ME3: variants seen among roughly 807,000 people sequenced by gnomAD.
ME3 encodes malic enzyme 3.
A neutral mutation model predicts 68.9 loss-of-function variants in ME3; 48 were observed. That is an observed-to-expected ratio of 0.70 (90% CI 0.55 to 0.89). The LOEUF (loss-of-function observed/expected upper bound fraction) is 0.89, where lower values mean the gene tolerates loss of function less well. Ranked by LOEUF, ME3 falls within the 40% of genes least tolerant of loss-of-function variation. The pLI, the probability that ME3 is intolerant of heterozygous loss-of-function variation, is 0.00. For synonymous variants in ME3, 320 were observed against 318.8 expected (o/e 1.00, Z -0.04); for missense variants, 675 against 797.4 (o/e 0.85, Z 1.85).
chr11:86,578,304 A>G (rs1391850479), intron 2 of ME3, among the ~76,000 whole-genome samples: 2 of 152,204 alleles, frequency 1.3e-5, no homozygotes, highest in Non-Finnish European at 2.9e-5. Flanking sequence ...GCAGGGGAGC[A>G]GCAGAGAACA....
intron 4 of ME3, among the ~76,000 whole-genome samples, chr11:86,535,080 A>C (rs1320783778): frequency 6.6e-6 from 1 of 152,114 alleles, no homozygotes; most frequent in Non-Finnish European, 1.5e-5. Flanking sequence ...TCAATAATCA[A>C]AATCATTTAC....
intron 2 of ME3, among the ~76,000 whole-genome samples, chr11:86,640,524 T>A (rs1046183438): frequency 1.3e-5 from 2 of 152,246 alleles, no homozygotes; most frequent in African/African-American, 4.8e-5. Flanking sequence ...ATTTTCACAC[T>A]GACTGGACAG....
chr11:86,604,202 G>T (rs1242801686), intron 2 of ME3, among the ~76,000 whole-genome samples: 1 of 152,064 alleles, frequency 6.6e-6, no homozygotes, highest in East Asian at 1.9e-4. Flanking sequence ...GAAGCCTCCA[G>T]ACTTCAGAGA....
intron 2 of ME3, among the ~76,000 whole-genome samples, chr11:86,561,952 T>G (rs1465758652): frequency 6.6e-6 from 1 of 152,194 alleles, no homozygotes; most frequent in Non-Finnish European, 1.5e-5. Context: ...CACATTAAGG[T>G]TCCTTCTTTA....
At chr11:86,634,924 C>T (rs1009259718) in intron 2 of ME3, among the ~76,000 whole-genome samples, 1 of 150,824 alleles carries the variant, frequency 6.6e-6, no homozygotes, top group Non-Finnish European at 1.5e-5. Context: ...ACAACAACAA[C>T]AAAAAACCCA....
intron 4 of ME3, among the ~76,000 whole-genome samples, chr11:86,553,781 C>G (rs764191307): frequency 6.6e-6 from 1 of 152,186 alleles, no homozygotes; most frequent in Admixed American, 6.5e-5. Context: ...GAAGTGGTAT[C>G]TAGCAATCCC....
At position 86,556,547 on chromosome 11, in the gene ME3, G is replaced by A. The variant is rs1594430600; in HGVS notation, c.467+6C>T. The A allele has an allele frequency of 1.2e-6, 2 of 1,612,550 alleles. No homozygotes were observed. The highest frequency in any genetic ancestry group is 8.5e-7 in the Non-Finnish European group (1 of 1,179,268). Reference sequence around the variant, plus strand: ...CTCCCAGAGCCCTCACTCCACGGGGGCTCACCGGGGCCTGCGGAAAGTCAG... The same window carrying A: ...CTCCCAGAGCCCTCACTCCACGGGGACTCACCGGGGCCTGCGGAAAGTCAG... On this transcript the variant is annotated splice_donor_region_variant and intron_variant, in intron 4 of 14. Transcript: ENST00000543262.
intron 2 of ME3, among the ~76,000 whole-genome samples, chr11:86,644,426 T>A (rs190589624): frequency 1.3e-5 from 2 of 152,298 alleles, no homozygotes; most frequent in African/African-American, 2.4e-5. Flanking sequence ...CCAGCCCACA[T>A]ACACAGACTC....
chr11:86,577,847 C>T (rs1958205507), intron 2 of ME3, among the ~76,000 whole-genome samples: 1 of 151,998 alleles, frequency 6.6e-6, no homozygotes, highest in South Asian at 2.1e-4. Flanking sequence ...TTTTATTATC[C>T]CCATTTATAG....
intron 4 of ME3, among the ~76,000 whole-genome samples, chr11:86,552,448 T>C (rs1015118391): frequency 6.6e-6 from 1 of 152,162 alleles, no homozygotes; most frequent in Non-Finnish European, 1.5e-5. Flanking sequence ...TCCTGCTAAG[T>C]CGGTTTGGCC....
intron 2 of ME3, among the ~76,000 whole-genome samples, chr11:86,603,926 C>T (rs1594631964): frequency 8.5e-6 from 1 of 117,600 alleles, no homozygotes; most frequent in Non-Finnish European, 1.6e-5. Flanking sequence ...AGGGGAAAAT[C>T]ACACTCTGGG....
chr11:86,643,275 G>T (rs1944782341), intron 2 of ME3, among the ~76,000 whole-genome samples: 1 of 150,090 alleles, frequency 6.7e-6, no homozygotes, highest in Non-Finnish European at 1.5e-5. Flanking sequence ...CAGAGCTAAG[G>T]TTTAACTCTT....
intron 2 of ME3, among the ~76,000 whole-genome samples, chr11:86,649,586 T>C (rs1283476896): frequency 1.3e-5 from 2 of 152,218 alleles, no homozygotes; most frequent in Non-Finnish European, 2.9e-5. Context: ...ACCCAAAAAC[T>C]CTTTAAGCTG....
chr11:86,440,638 A>T (rs1948939316), downstream of ME3, among the ~76,000 whole-genome samples: 1 of 152,164 alleles, frequency 6.6e-6, no homozygotes, highest in Non-Finnish European at 1.5e-5. Flanking sequence ...TGACCTGAAT[A>T]GTTAGCGAGC....
chr11:86,518,042 T>C (rs1298550284), intron 4 of ME3, among the ~76,000 whole-genome samples: 1 of 152,198 alleles, frequency 6.6e-6, no homozygotes, highest in Non-Finnish European at 1.5e-5. Context: ...GTAGCTGATA[T>C]TGGTTACTTA....
At position 86,528,491 on chromosome 11, in the gene ME3, C is replaced by A. The variant is rs537734447; in HGVS notation, c.468-19624G>T. Among the ~76,000 whole-genome samples the A allele has an allele frequency of 1.8e-4, 28 of 152,256 alleles. No homozygotes were observed. In the South Asian group the frequency reaches 5.6e-3, roughly 31 times the overall value. ...GGATACCCAGGAATTGAACTCAGCT[C>A]TGCACCAAGTGGACCTAATAGACAT... On this transcript the variant is annotated intron_variant, in intron 4 of 14. Transcript: ENST00000543262.
chr11:86,565,163 C>G (rs1957420794), intron 2 of ME3, among the ~76,000 whole-genome samples: 1 of 152,056 alleles, frequency 6.6e-6, no homozygotes, highest in South Asian at 2.1e-4. Context: ...ACTTTACATC[C>G]ACTAGAATGG....
intron 2 of ME3, among the ~76,000 whole-genome samples, chr11:86,590,904 T>A (rs921181567): frequency 5.3e-5 from 8 of 152,212 alleles, no homozygotes; most frequent in African/African-American, 1.7e-4. Flanking sequence ...ATAGTTCACG[T>A]GAAGGAAGAA....
chr11:86,628,750 T>C (rs1193785746), intron 2 of ME3, among the ~76,000 whole-genome samples: 1 of 152,214 alleles, frequency 6.6e-6, no homozygotes, highest in Non-Finnish European at 1.5e-5. Context: ...ATACAGACTT[T>C]AGATTCATGC....
Sources: gnomAD v4.1 joint callset for allele counts (sites outside exome capture counted in the v4.1 genomes callset) on GRCh38, gnomAD v4.1.1 for gene constraint, MANE v1.5 for transcripts, NCBI Gene and HGNC (gene_info 2026-07-23, HGNC 2026-07-21) for gene names.